METTL25: variants seen among roughly 807,000 people sequenced by gnomAD.
The protein encoded by METTL25 is methyltransferase like 25, also known as probable methyltransferase-like protein 25.
Under a neutral mutation model 71.6 loss-of-function variants are expected in METTL25, and 64 were observed. The ratio of observed to expected loss-of-function variants is 0.89; its 90% CI spans 0.73 to 1.10. The LOEUF is 1.10. Ranked by LOEUF, METTL25 falls within the 50% of genes least tolerant of loss-of-function variation. The pLI is 0.00. For synonymous variants in METTL25, 287 were observed against 250.3 expected (o/e 1.15, Z -1.38); for missense variants, 807 against 707.0 (o/e 1.14, Z -1.60).
At chr12:82,428,328 G>A (rs1371513201) in intron 5 of METTL25, among the ~76,000 whole-genome samples, 3 of 151,812 alleles carry the variant, frequency 2.0e-5, no homozygotes, top group Non-Finnish European at 4.4e-5. Flanking sequence ...TGGGTAAAGG[G>A]AGGAGTAGCT....
intron 4 of METTL25, among the ~76,000 whole-genome samples, chr12:82,400,750 C>T (rs187548563): frequency 1.1e-3 from 162 of 152,148 alleles, no homozygotes; most frequent in Admixed American, 5.3e-3. Context: ...AATTTAATAA[C>T]AGAATTAACT....
chr12:82,444,334 C>G (rs1178907240), intron 8 of METTL25, among the ~76,000 whole-genome samples: 1 of 152,072 alleles, frequency 6.6e-6, no homozygotes, highest in African/African-American at 2.4e-5. Flanking sequence ...AAGGGAGATA[C>G]TCTCCCAGAT....
intron 8 of METTL25, among the ~76,000 whole-genome samples, chr12:82,441,526 A>G (rs1189683943): frequency 6.6e-6 from 1 of 151,812 alleles, no homozygotes; most frequent in Non-Finnish European, 1.5e-5. Flanking sequence ...CCCGAACATT[A>G]TGTATAAAAT....
At chr12:82,359,241 G>C (rs1453608030) in intron 1 of METTL25, among the ~76,000 whole-genome samples, 2 of 152,200 alleles carry the variant, frequency 1.3e-5, no homozygotes, top group Non-Finnish European at 1.5e-5. Context: ...AGTGTAATGT[G>C]GTAGGGATTG....
chr12:82,421,907 G>C (rs546026098), intron 5 of METTL25, among the ~76,000 whole-genome samples: 12 of 151,978 alleles, frequency 7.9e-5, no homozygotes, highest in African/African-American at 2.7e-4. Flanking sequence ...AATAATTAAT[G>C]GCTTACCAAC....
intron 5 of METTL25, among the ~76,000 whole-genome samples, chr12:82,420,068 A>G (rs1208307987): frequency 6.6e-6 from 1 of 152,172 alleles, no homozygotes; most frequent in East Asian, 1.9e-4. Context: ...TACAATATGG[A>G]TGGACCTGGA....
At chr12:82,423,683 A>G (rs1888724294) in intron 5 of METTL25, among the ~76,000 whole-genome samples, 2 of 152,200 alleles carry the variant, frequency 1.3e-5, no homozygotes, top group Admixed American at 1.3e-4. Context: ...AATGAACTCA[A>G]ACAAATTTAC....
rs139418069 is a variant in METTL25, at chr12:82,377,154, T to C, written c.260-9649T>C. Among the ~76,000 whole-genome samples, 392 of 152,308 alleles carry C rather than the reference T, an allele frequency of 2.6e-3. 2 individuals carry two copies. The highest frequency in any genetic ancestry group is 8.9e-3 in the African/African-American group (370 of 41,576). On this transcript the variant is annotated intron_variant, in intron 1 of 11. Coordinates refer to ENST00000248306, the MANE Select transcript of METTL25 (RefSeq NM_032230.3). Reference sequence around the variant, plus strand: ...GAAAGAAAATATTGTAATTTATTTCTACTTTTGTTTGTTTTTAGTCTTTTT... The same window carrying C: ...GAAAGAAAATATTGTAATTTATTTCCACTTTTGTTTGTTTTTAGTCTTTTT...
At chr12:82,409,584 A>G (rs1294748738) in intron 5 of METTL25, among the ~76,000 whole-genome samples, 1 of 152,070 alleles carries the variant, frequency 6.6e-6, no homozygotes, top group Non-Finnish European at 1.5e-5. Context: ...ATCAGTTGCT[A>G]CTGGGAGCAA....
chr12:82,390,040 T>C, intron 3 of METTL25, 118 bp downstream of exon 3: 1 of 632,030 alleles, frequency 1.6e-6, no homozygotes, highest in Non-Finnish European at 2.9e-6. Context: ...AATAGCATCA[T>C]TTAAACATCA....
intron 9 of METTL25, among the ~76,000 whole-genome samples, chr12:82,459,223 C>T (rs1297101264): frequency 6.6e-6 from 1 of 152,028 alleles, no homozygotes; most frequent in Non-Finnish European, 1.5e-5. Context: ...GAGTAATATA[C>T]TAAAAGTTCT....
intron 6 of METTL25, among the ~76,000 whole-genome samples, chr12:82,433,395 T>C (rs916996952): frequency 3.3e-5 from 5 of 151,700 alleles, no homozygotes; most frequent in African/African-American, 1.2e-4. Flanking sequence ...TATCATAATA[T>C]GAAAATTATG....
intron 3 of METTL25, among the ~76,000 whole-genome samples, chr12:82,398,099 A>G (rs1388266926): frequency 6.6e-6 from 1 of 151,928 alleles, no homozygotes; most frequent in Non-Finnish European, 1.5e-5. Flanking sequence ...TGAACATAGT[A>G]TATCTCTTTA....
chr12:82,475,344 T>C (rs1392364929), intron 9 of METTL25, among the ~76,000 whole-genome samples: 1 of 152,116 alleles, frequency 6.6e-6, no homozygotes, highest in Non-Finnish European at 1.5e-5. Flanking sequence ...ATTCAAAAAA[T>C]GGCAAACTTT....
chr12:82,466,619 G>A (rs555194511), intron 9 of METTL25, among the ~76,000 whole-genome samples: 5 of 152,036 alleles, frequency 3.3e-5, no homozygotes, highest in Non-Finnish European at 7.4e-5. Flanking sequence ...TTGATCTAAT[G>A]TGCAGTTTAA....
intron 5 of METTL25, among the ~76,000 whole-genome samples, chr12:82,417,789 G>A (rs1464417101): frequency 6.6e-6 from 1 of 152,088 alleles, no homozygotes; most frequent in Non-Finnish European, 1.5e-5. Flanking sequence ...ATAAAGCAAT[G>A]TGAGTTTGGA....
At chr12:82,436,813 G>A (rs959269856) in intron 7 of METTL25, among the ~76,000 whole-genome samples, 7 of 151,324 alleles carry the variant, frequency 4.6e-5, no homozygotes, top group Admixed American at 1.3e-4. Context: ...ATTTTTAGGC[G>A]TTTCATATAA....
intron 9 of METTL25, among the ~76,000 whole-genome samples, chr12:82,471,131 G>A (rs1892545406): frequency 6.6e-6 from 1 of 152,240 alleles, no homozygotes; most frequent in Admixed American, 6.5e-5. Context: ...TCCTAAATGA[G>A]ACCAGCCTGA....
chr12:82,412,407 C>G (rs1034735882), intron 5 of METTL25, among the ~76,000 whole-genome samples: 3 of 152,010 alleles, frequency 2.0e-5, no homozygotes, highest in African/African-American at 7.2e-5. Context: ...AATAAAAACC[C>G]TAATGTGTAG....
Sources: gnomAD v4.1 joint callset for allele counts (sites outside exome capture counted in the v4.1 genomes callset) on GRCh38, gnomAD v4.1.1 for gene constraint, MANE v1.5 for transcripts, NCBI Gene and HGNC (gene_info 2026-07-23, HGNC 2026-07-21) for gene names.